Variants in FGF12 observed in about 807,000 individuals in gnomAD.
FGF12 encodes fibroblast growth factor 12B.
FGF12 carries 14 observed loss-of-function variants against 23.6 expected under a neutral mutation model. The observed-to-expected ratio is 0.59, with a 90% CI of 0.39 to 0.93. FGF12 has a LOEUF of 0.93. Among genes scored for constraint, FGF12 ranks in the 40% least tolerant of loss-of-function variants. The pLI is 0.00. For synonymous variants in FGF12, 62 were observed against 77.3 expected, an observed-to-expected ratio of 0.80 and a Z score of 1.04; for missense variants, 175 against 217.8, an observed-to-expected ratio of 0.80 and a Z score of 1.24.
chr3:192,537,150 T>C (rs1442421228), intron 2 of FGF12, among the ~76,000 whole-genome samples: 2 of 152,196 alleles, frequency 1.3e-5, no homozygotes, highest in Non-Finnish European at 2.9e-5. Context: ...TTTTTATGGG[T>C]GAATAGTACA....
rs1202951072 is a variant in FGF12, at chr3:192,336,158, CTATA to C, written c.125-698_125-695del. On this transcript the variant is annotated intron_variant, in intron 3 of 5. Transcript: ENST00000445105. This position sits in a 1 kb window ranked among gnomAD's most constrained non-coding sequence, Gnocchi z 4.3. ...ACACATATACACACATATATACATA[CTATA>C]TATATACAAATATATATACACATAT... is the stretch of plus-strand genomic sequence containing the variant. Among the ~76,000 whole-genome samples, 2 of 148,040 alleles carry C rather than the reference CTATA, an allele frequency of 1.4e-5. No individual in the cohort carries two copies. The highest frequency in any genetic ancestry group is 2.5e-5 in the African/African-American group (1 of 39,446).
At chr3:192,537,529 G>A (rs9839947) in intron 2 of FGF12, among the ~76,000 whole-genome samples, 40,794 of 151,984 alleles carry the variant, frequency 0.27, 5,752 homozygotes, top group Middle Eastern at 0.43. Context: ...GTTAGTTTTT[G>A]TTAGCATTTC....
intron 4 of FGF12, among the ~76,000 whole-genome samples, chr3:192,270,283 G>C (rs747041823): frequency 4.6e-5 from 7 of 152,146 alleles, no homozygotes; most frequent in Non-Finnish European, 1.0e-4. Flanking sequence ...CAGGCTACAT[G>C]TAATACAGCA....
chr3:192,596,501 A>T (rs531739952), intron 2 of FGF12, among the ~76,000 whole-genome samples: 2 of 152,262 alleles, frequency 1.3e-5, no homozygotes, highest in African/African-American at 4.8e-5. Flanking sequence ...TGAATAGGGT[A>T]TGTGTATTAC....
intron 4 of FGF12, among the ~76,000 whole-genome samples, chr3:192,239,625 G>C (rs375937803): frequency 1.1e-4 from 16 of 152,158 alleles, no homozygotes; most frequent in East Asian, 3.9e-4. Flanking sequence ...GATCAGCAGT[G>C]GCATTAGATT....
intron 2 of FGF12, among the ~76,000 whole-genome samples, chr3:192,653,776 G>T (rs985842981): frequency 6.8e-6 from 1 of 147,088 alleles, no homozygotes; most frequent in African/African-American, 2.5e-5. Context: ...GTGCAGTGGC[G>T]CTATCTCAGC....
chr3:192,686,228 G>T (rs1047646832), intron 2 of FGF12, among the ~76,000 whole-genome samples: 2 of 152,280 alleles, frequency 1.3e-5, no homozygotes, highest in African/African-American at 4.8e-5. Context: ...AGCATCTAGG[G>T]GAAACCTTGA....
intron 2 of FGF12, among the ~76,000 whole-genome samples, chr3:192,596,523 G>T (rs1312254326): frequency 6.6e-6 from 1 of 152,128 alleles, no homozygotes; most frequent in Non-Finnish European, 1.5e-5. Context: ...CTACTTTACA[G>T]ATAAATAAGC....
chr3:192,483,211 A>G (rs1164052986), intron 2 of FGF12, among the ~76,000 whole-genome samples: 2 of 151,978 alleles, frequency 1.3e-5, no homozygotes, highest in East Asian at 3.9e-4. Context: ...ACATCTACCT[A>G]TGTCTTTTAA....
At chr3:192,259,604 G>A (rs1712615026) in intron 4 of FGF12, among the ~76,000 whole-genome samples, 2 of 152,108 alleles carry the variant, frequency 1.3e-5, no homozygotes. Context: ...TTTAGGAAAT[G>A]TTTGTAAGTA....
chr3:192,148,840 G>A (rs1471828805), intron 5 of FGF12, among the ~76,000 whole-genome samples: 1 of 152,208 alleles, frequency 6.6e-6, no homozygotes, highest in Non-Finnish European at 1.5e-5. Context: ...GAAATCTGAT[G>A]AAAATATTCT....
chr3:192,545,949 G>A (rs975135399), intron 2 of FGF12, among the ~76,000 whole-genome samples: 1 of 152,156 alleles, frequency 6.6e-6, no homozygotes, highest in East Asian at 1.9e-4. Flanking sequence ...AAGGCATAAG[G>A]ATCTCTATGC....
intron 5 of FGF12, 104 bp downstream of exon 5, chr3:192,170,354 T>G: frequency 1.2e-6 from 1 of 802,826 alleles, no homozygotes; most frequent in Non-Finnish European, 2.1e-6. Context: ...TTTCTTCTGA[T>G]CTGTTGCATT....
chr3:192,726,421 A>G (rs537689521), intron 2 of FGF12, among the ~76,000 whole-genome samples: 1 of 152,294 alleles, frequency 6.6e-6, no homozygotes, highest in Non-Finnish European at 1.5e-5. Flanking sequence ...AATCCAAAAG[A>G]TATCTAATCT....
chr3:192,367,901 T>C (rs890992588), intron 2 of FGF12, among the ~76,000 whole-genome samples: 2 of 152,196 alleles, frequency 1.3e-5, no homozygotes, highest in Non-Finnish European at 2.9e-5. Flanking sequence ...CTGAGGGCCG[T>C]GAATCAACCC....
intron 2 of FGF12, among the ~76,000 whole-genome samples, chr3:192,530,798 T>A (rs1211956837): frequency 1.3e-5 from 2 of 151,966 alleles, no homozygotes; most frequent in Non-Finnish European, 2.9e-5. Flanking sequence ...AGGGTAAATT[T>A]TATGGTATCT....
intron 2 of FGF12, among the ~76,000 whole-genome samples, chr3:192,670,717 T>C (rs1244431907): frequency 1.3e-5 from 2 of 152,116 alleles, no homozygotes; most frequent in African/African-American, 4.8e-5. Context: ...GTTTATAGAG[T>C]CCCTTACCTT....
chr3:192,551,611 AG>A (rs1711533555), intron 2 of FGF12, among the ~76,000 whole-genome samples: 2 of 152,368 alleles, frequency 1.3e-5, no homozygotes, highest in East Asian at 3.9e-4. Context: ...CATGCCTAGG[AG>A]GAAAGACCGT....
At chr3:192,192,840 T>C (rs1577221840) in intron 4 of FGF12, among the ~76,000 whole-genome samples, 1 of 152,194 alleles carries the variant, frequency 6.6e-6, no homozygotes. Flanking sequence ...ACATAGCATA[T>C]CATTGTGTAA....
Sources: gnomAD v4.1 joint callset for allele counts (sites outside exome capture counted in the v4.1 genomes callset) on GRCh38, gnomAD v4.1.1 for gene constraint, Gnocchi (gnomAD v3.1) non-coding constraint, MANE v1.5 for transcripts, NCBI Gene and HGNC (gene_info 2026-07-23, HGNC 2026-07-21) for gene names.